The following MAP3K5 variants were observed in gnomAD, a reference collection of about 807,000 sequenced individuals.
The protein encoded by MAP3K5 is mitogen-activated protein kinase kinase kinase 5.
In MAP3K5, 56 loss-of-function variants were observed where a neutral mutation model predicts 158.7. The ratio of observed to expected loss-of-function variants is 0.35; its 90% CI spans 0.28 to 0.44. The LOEUF is 0.44. MAP3K5 is among the 20% of genes least tolerant of loss of function. The pLI is 1.00. For synonymous variants in MAP3K5, 579 were observed against 601.7 expected, an observed-to-expected ratio of 0.96 and a Z score of 0.55; for missense variants, 1,294 against 1,674.8, an observed-to-expected ratio of 0.77 and a Z score of 3.97.
chr6:136,637,122 T>C, intron 14 of MAP3K5: 1 of 1,410,598 alleles, frequency 7.1e-7, no homozygotes, highest in Non-Finnish European at 9.2e-7. Flanking sequence ...ATGCTAACGC[T>C]TGGTGCTGTG....
At chr6:136,783,944 T>A (rs1045134816) in intron 1 of MAP3K5, among the ~76,000 whole-genome samples, 5 of 152,208 alleles carry the variant, frequency 3.3e-5, no homozygotes, top group African/African-American at 1.2e-4. Flanking sequence ...GAACCAATTT[T>A]ATCCTGCAAA....
intron 8 of MAP3K5, among the ~76,000 whole-genome samples, chr6:136,665,072 T>C (rs1051825109): frequency 6.6e-6 from 1 of 152,218 alleles, no homozygotes; most frequent in Admixed American, 6.5e-5. Context: ...GTCTTCCCAT[T>C]CTACAGGTAC....
chr6:136,721,058 T>C (rs1290820129), intron 1 of MAP3K5, among the ~76,000 whole-genome samples: 7 of 152,074 alleles, frequency 4.6e-5, no homozygotes, highest in Non-Finnish European at 8.8e-5. Flanking sequence ...GGATTACAGG[T>C]GTGAGCCACC....
intron 7 of MAP3K5, among the ~76,000 whole-genome samples, chr6:136,679,505 G>T (rs1779843706): frequency 6.6e-6 from 1 of 152,156 alleles, no homozygotes; most frequent in Non-Finnish European, 1.5e-5. Context: ...AAGCAGGACA[G>T]CATGTGAAGA....
At chr6:136,677,326 A>G (rs111963566) in intron 7 of MAP3K5, among the ~76,000 whole-genome samples, 22,405 of 151,712 alleles carry the variant, frequency 0.15, 2,366 homozygotes, top group African/African-American at 0.29. Context: ...TTTAGTAGAG[A>G]CAGGGTTTCA....
chr6:136,586,760 C>T (rs914243707), intron 23 of MAP3K5, among the ~76,000 whole-genome samples: 14 of 152,132 alleles, frequency 9.2e-5, no homozygotes, highest in African/African-American at 3.4e-4. Context: ...GGCAGACCCA[C>T]CCTTAATCTG....
intron 18 of MAP3K5, among the ~76,000 whole-genome samples, chr6:136,608,137 G>A (rs1776180361): frequency 6.6e-6 from 1 of 152,150 alleles, no homozygotes; most frequent in Admixed American, 6.5e-5. Context: ...GGAAATGCAG[G>A]AAGGTCCACG....
chr6:136,718,460 G>T (rs1162726909), intron 2 of MAP3K5, among the ~76,000 whole-genome samples: 1 of 152,132 alleles, frequency 6.6e-6, no homozygotes, highest in Non-Finnish European at 1.5e-5. Context: ...CCTCAGCTCC[G>T]CAAAGTGCTG....
At position 136,668,110 on chromosome 6, in the gene MAP3K5, C is replaced by T. The variant is rs117716992; in HGVS notation, c.1366+1173G>A. Among the ~76,000 whole-genome samples, 913 of 151,758 alleles carry T rather than the reference C, an allele frequency of 6.0e-3. 5 individuals are homozygous for T. The highest frequency in any genetic ancestry group is 0.02 in the Middle Eastern group (6 of 294). Reference sequence around the variant, plus strand: ...GAAATTCGCCAAAGTGGGCCCGGTGCGGTGGCTCACACCTGTAATACCAGT... The same window carrying T: ...GAAATTCGCCAAAGTGGGCCCGGTGTGGTGGCTCACACCTGTAATACCAGT... On this transcript the variant is annotated intron_variant, in intron 8 of 29. Coordinates refer to ENST00000359015, the MANE Select transcript of MAP3K5 (RefSeq NM_005923.4).
chr6:136,737,432 G>T (rs1384217013), intron 1 of MAP3K5, among the ~76,000 whole-genome samples: 1 of 152,018 alleles, frequency 6.6e-6, no homozygotes, highest in Non-Finnish European at 1.5e-5. Context: ...ATGAAGACAG[G>T]GAACCAAAGA....
At chr6:136,633,434 T>G (rs961363500) in intron 14 of MAP3K5, among the ~76,000 whole-genome samples, 13 of 150,694 alleles carry the variant, frequency 8.6e-5, no homozygotes, top group Non-Finnish European at 7.4e-5. Context: ...TGTATATATA[T>G]ATATATATTC....
chr6:136,586,185 A>G (rs927245239), intron 23 of MAP3K5, among the ~76,000 whole-genome samples: 1 of 152,242 alleles, frequency 6.6e-6, no homozygotes, highest in African/African-American at 2.4e-5. Context: ...ACCACAAACT[A>G]AACTGCACCC....
intron 2 of MAP3K5, among the ~76,000 whole-genome samples, chr6:136,711,400 C>T (rs144681982): frequency 1.3e-5 from 2 of 152,230 alleles, no homozygotes; most frequent in East Asian, 3.9e-4. Flanking sequence ...AGCGTTGGCT[C>T]ATGCCTGTAA....
intron 15 of MAP3K5, among the ~76,000 whole-genome samples, chr6:136,618,327 G>T (rs548488985): frequency 6.6e-6 from 1 of 152,144 alleles, no homozygotes; most frequent in Non-Finnish European, 1.5e-5. Flanking sequence ...AGTTGTCTGC[G>T]ATCTCTTTAC....
Position 136,698,646 on chromosome 6 carries a change from T to C in MAP3K5, c.649A>G (p.Ile217Val), listed in dbSNP as rs370397269. 13 of 1,613,876 alleles carry C rather than the reference T, an allele frequency of 8.1e-6. No individual in the cohort carries two copies. The African/African-American group carries it at 1.1e-4, about 13-fold the overall frequency. ...TGNYTFVPYM[I>V]TPHNKVYCCD... ...CAGTAGACTTTGTTATGTGGAGTTA[T>C]CATGTAAGGAACAAAGGTGTAGTTC... is the stretch of plus-strand genomic sequence containing the variant. The change falls in exon 4 of 30, where the codon ATA becomes GTA. Residue 217 changes from isoleucine to valine, a missense_variant. Physicochemically the swap from Ile to Val is conservative, Grantham distance 29 (BLOSUM62 3). Transcript: ENST00000359015.
At chr6:136,695,232 G>C (rs1780552225) in intron 6 of MAP3K5, among the ~76,000 whole-genome samples, 1 of 152,150 alleles carries the variant, frequency 6.6e-6, no homozygotes. Context: ...CTGCCTCCCA[G>C]GTTCAAGCGA....
chr6:136,583,856 T>TCTCA (rs1774998623), intron 23 of MAP3K5, 116 bp from the exon 24 acceptor site: 2 of 896,314 alleles, frequency 2.2e-6, no homozygotes, highest in Non-Finnish European at 3.4e-6. Flanking sequence ...AGAGACAAGG[T>TCTCA]CTCACTATAT....
chr6:136,646,118 C>A (rs1778243581), intron 11 of MAP3K5, among the ~76,000 whole-genome samples: 1 of 151,978 alleles, frequency 6.6e-6, no homozygotes, highest in Non-Finnish European at 1.5e-5. Flanking sequence ...TGGATAGAAT[C>A]AGGGTTTGCA....
intron 7 of MAP3K5, 103 bp downstream of exon 7, chr6:136,694,037 A>C: frequency 2.3e-6 from 2 of 853,786 alleles, no homozygotes; most frequent in Admixed American, 2.6e-5. Flanking sequence ...CATAATACAC[A>C]ATCTTATGGA....
Sources: gnomAD v4.1 joint callset for allele counts (sites outside exome capture counted in the v4.1 genomes callset) on GRCh38, gnomAD v4.1.1 for gene constraint, MANE v1.5 for transcripts, NCBI Gene and HGNC (gene_info 2026-07-23, HGNC 2026-07-21) for gene names.